Variants in FAM114A1 observed in about 807,000 individuals in gnomAD.
FAM114A1 encodes the protein family with sequence similarity 114 member A1, also known as protein NOXP20.
Under a neutral mutation model 64.3 loss-of-function variants are expected in FAM114A1, and 62 were observed. That is an observed-to-expected ratio of 0.96 (90% CI 0.79 to 1.19). The LOEUF is 1.19. FAM114A1 is among the 50% of genes most tolerant of loss of function. FAM114A1 has a pLI of 0.00. For missense variants in FAM114A1, 645 were observed against 676.3 expected, an observed-to-expected ratio of 0.95 and a Z score of 0.51; for synonymous variants, 254 against 251.1, an observed-to-expected ratio of 1.01 and a Z score of -0.11.
At chr4:38,902,489 A>G (rs191586991) in intron 4 of FAM114A1, among the ~76,000 whole-genome samples, 11 of 152,334 alleles carry the variant, frequency 7.2e-5, no homozygotes, top group Middle Eastern at 3.4e-3. Flanking sequence ...AATCCTCCAC[A>G]AGACTCCTGA....
chr4:38,884,212 C>T (rs1467170962), intron 3 of FAM114A1, among the ~76,000 whole-genome samples: 1 of 152,228 alleles, frequency 6.6e-6, no homozygotes, highest in Non-Finnish European at 1.5e-5. Flanking sequence ...AGGTCTGAAA[C>T]TCCTAGACTC....
chr4:38,881,462 C>T (rs892582239), intron 3 of FAM114A1, among the ~76,000 whole-genome samples: 1 of 152,052 alleles, frequency 6.6e-6, no homozygotes, highest in Admixed American at 6.5e-5. Context: ...CAGAGTCGGG[C>T]CCGTGGCTCT....
intron 8 of FAM114A1, among the ~76,000 whole-genome samples, chr4:38,920,297 A>C (rs985515186): frequency 6.6e-6 from 1 of 152,120 alleles, no homozygotes; most frequent in Non-Finnish European, 1.5e-5. Flanking sequence ...CAATGGCAGC[A>C]CACACCTCCT....
At chr4:38,937,876 A>G (rs542057401) in intron 13 of FAM114A1, among the ~76,000 whole-genome samples, 5 of 152,070 alleles carry the variant, frequency 3.3e-5, no homozygotes, top group Non-Finnish European at 7.4e-5. Context: ...CTGGGATTAC[A>G]GGTGCGGGCC....
Position 38,943,821 on chromosome 4 carries a change from G to T in FAM114A1, c.*264G>T. 6.5e-6 allele frequency: 2 copies of T among 307,404 alleles called. No individual in the cohort carries two copies. Among genetic ancestry groups the T allele is most frequent in the Non-Finnish European group, 1.2e-5 (2 of 161,250 alleles). The allele number at this position is 307,404 out of a possible 1,614,324, so 19.0% of individuals were successfully genotyped here. On this transcript the variant is annotated 3_prime_UTR_variant, in exon 15 of 15. Transcript: ENST00000358869. Reference sequence around the variant, plus strand: ...TTATATTGAAAATTTCCTTTCATCTGAAATTTATTTACAAATATTCGTGTT... The same window carrying T: ...TTATATTGAAAATTTCCTTTCATCTTAAATTTATTTACAAATATTCGTGTT...
chr4:38,918,757 G>A (rs1222618194), intron 8 of FAM114A1, among the ~76,000 whole-genome samples: 1 of 152,002 alleles, frequency 6.6e-6, no homozygotes. Context: ...CCAGGAGTTC[G>A]AGACTAGCCT....
intron 9 of FAM114A1, among the ~76,000 whole-genome samples, chr4:38,924,627 A>G (rs533174887): frequency 1.3e-5 from 2 of 152,344 alleles, no homozygotes; most frequent in Admixed American, 1.3e-4. Context: ...ATTATACTGA[A>G]GCATAGAAAG....
chr4:38,910,344 C>CAAA (rs1277574507), intron 7 of FAM114A1, among the ~76,000 whole-genome samples: 1 of 152,082 alleles, frequency 6.6e-6, no homozygotes, highest in Non-Finnish European at 1.5e-5. Flanking sequence ...TGGCTTAGAA[C>CAAA]AAAAAGGTTT....
chr4:38,903,825 T>C (rs1717735881), intron 4 of FAM114A1, among the ~76,000 whole-genome samples: 1 of 152,228 alleles, frequency 6.6e-6, no homozygotes, highest in Non-Finnish European at 1.5e-5. Context: ...GTGATTACAG[T>C]TGTAAATAAT....
chr4:38,878,061 G>T lies in FAM114A1; in HGVS notation c.-8-10G>T. ...ATGAAAGCATGAGGTGTTTATAATT[G>T]TGTTGACAGATACTAAAATGTCTGA... On this transcript the variant is annotated splice_polypyrimidine_tract_variant and intron_variant, in intron 2 of 14. Transcript: ENST00000358869. The T allele has an allele frequency of 6.3e-7, 1 of 1,580,300 alleles. No homozygotes were observed.
At chr4:38,904,471 C>G (rs1227858178) in intron 4 of FAM114A1, among the ~76,000 whole-genome samples, 5 of 152,238 alleles carry the variant, frequency 3.3e-5, no homozygotes, top group Non-Finnish European at 7.3e-5. Context: ...AATAACCGCT[C>G]TGCCTGGCTC....
At chr4:38,875,710 A>G (rs1413151230) in intron 2 of FAM114A1, among the ~76,000 whole-genome samples, 2 of 152,154 alleles carry the variant, frequency 1.3e-5, no homozygotes, top group Non-Finnish European at 2.9e-5. Context: ...AGAAGTAGTA[A>G]GAGTGGGTAT....
intron 2 of FAM114A1, among the ~76,000 whole-genome samples, chr4:38,868,802 C>T (rs1248028511): frequency 6.6e-6 from 1 of 152,234 alleles, no homozygotes; most frequent in African/African-American, 2.4e-5. Flanking sequence ...TTTGCCCTCT[C>T]TGCAGCCTAG....
At chr4:38,908,809 T>C in intron 7 of FAM114A1, 83 bp downstream of exon 7, 1 of 1,309,848 alleles carries the variant, frequency 7.6e-7, no homozygotes, top group Non-Finnish European at 1.0e-6. Flanking sequence ...ATAGCTCATT[T>C]AAAGCATGTG....
intron 14 of FAM114A1, among the ~76,000 whole-genome samples, chr4:38,942,269 T>C (rs389915): frequency 6.6e-6 from 1 of 152,208 alleles, no homozygotes; most frequent in Non-Finnish European, 1.5e-5. Context: ...TTTGGGGACT[T>C]GTACCTTACT....
At chr4:38,908,466 G>T in intron 6 of FAM114A1, 126 bp from the exon 7 acceptor site, 1 of 864,408 alleles carries the variant, frequency 1.2e-6, no homozygotes, top group South Asian at 2.8e-5. Flanking sequence ...ATCTCCTGAT[G>T]AGAAAAAATT....
In FAM114A1 at chr4:38,926,563, C is replaced by T. The variant is rs139583619; in HGVS notation, c.1070-2679C>T. Among the ~76,000 whole-genome samples the T allele has an allele frequency of 5.6e-3, 856 of 151,858 alleles. 11 individuals are homozygous for T. Among genetic ancestry groups the T allele is most frequent in the African/African-American group, 0.018 (753 of 41,386 alleles). On this transcript the variant is annotated intron_variant, in intron 9 of 14. Coordinates refer to ENST00000358869, the MANE Select transcript of FAM114A1 (RefSeq NM_138389.4). ...TCCGCCCTCCCGGGTTCAAGTGATT[C>T]TCCTGCCTCAGCCTCCCAAGTAGCT...
chr4:38,877,964 CAA>C (rs34317975), intron 2 of FAM114A1, 105 bp from the exon 3 acceptor site: 2,262 of 807,326 alleles, frequency 2.8e-3, no homozygotes, highest in South Asian at 4.5e-3. Context: ...AACTCCGTCT[CAA>C]AAAAAAAAAA....
intron 4 of FAM114A1, among the ~76,000 whole-genome samples, chr4:38,899,142 CAG>C (rs1483948643): frequency 6.6e-6 from 1 of 151,764 alleles, no homozygotes; most frequent in African/African-American, 2.4e-5. Flanking sequence ...AGGGATGAGT[CAG>C]AAATTGTGTG....
Sources: gnomAD v4.1 joint callset for allele counts (sites outside exome capture counted in the v4.1 genomes callset) on GRCh38, gnomAD v4.1.1 for gene constraint, MANE v1.5 for transcripts, NCBI Gene and HGNC (gene_info 2026-07-23, HGNC 2026-07-21) for gene names.